The following MALRD1 variants were observed in gnomAD, a reference collection of about 807,000 sequenced individuals.
The protein encoded by MALRD1 is MAM and LDL-receptor class A domain-containing protein 1.
Under a neutral mutation model 242.1 loss-of-function variants are expected in MALRD1, and 247 were observed. That is an observed-to-expected ratio of 1.02 (90% confidence interval 0.92 to 1.13). The LOEUF (loss-of-function observed/expected upper bound fraction) is 1.13. Among genes scored for constraint, MALRD1 ranks in the 50% most tolerant of loss-of-function variants. MALRD1 has a pLI of 0.00. For missense variants in MALRD1, 2,989 were observed against 2,533.1 expected, an observed-to-expected ratio of 1.18 and a Z score of -3.86; for synonymous variants, 995 against 866.6, an observed-to-expected ratio of 1.15 and a Z score of -2.60.
intron 18 of MALRD1, among the ~76,000 whole-genome samples, chr10:19,254,964 G>C (rs1223287370): frequency 2.0e-5 from 3 of 151,808 alleles, no homozygotes; most frequent in Non-Finnish European, 2.9e-5. Context: ...TTAAAATTTT[G>C]GTCAGTCATT....
At chr10:19,627,778 AG>A (rs1284215388) in intron 36 of MALRD1, among the ~76,000 whole-genome samples, 18 of 147,444 alleles carry the variant, frequency 1.2e-4, no homozygotes, top group African/African-American at 4.6e-4. Context: ...AAAAAAAAAA[AG>A]GAAAAAAGGA....
intron 8 of MALRD1, among the ~76,000 whole-genome samples, 156 bp from the exon 9 acceptor site, chr10:19,133,700 A>G (rs1833205566): frequency 1.3e-5 from 2 of 152,224 alleles, no homozygotes; most frequent in South Asian, 2.1e-4. Context: ...AATGATATTC[A>G]GCTTTTTCAA....
chr10:19,634,165 G>C (rs190436095), intron 36 of MALRD1, among the ~76,000 whole-genome samples: 1 of 151,992 alleles, frequency 6.6e-6, no homozygotes, highest in Non-Finnish European at 1.5e-5. Context: ...TAAAATACCT[G>C]CCAGGCCCAG....
chr10:19,168,262 G>T (rs76243629), intron 13 of MALRD1, among the ~76,000 whole-genome samples: 5 of 152,114 alleles, frequency 3.3e-5, no homozygotes, highest in Admixed American at 2.0e-4. Flanking sequence ...GCTGGTCATG[G>T]AATCATTTTG....
intron 19 of MALRD1, among the ~76,000 whole-genome samples, chr10:19,279,203 G>T (rs1040024218): frequency 2.6e-5 from 4 of 152,266 alleles, no homozygotes; most frequent in Admixed American, 2.0e-4. Flanking sequence ...TTGTGACTGG[G>T]CCCAAGGAAC....
intron 33 of MALRD1, among the ~76,000 whole-genome samples, chr10:19,572,972 C>T (rs1589254025): frequency 6.6e-6 from 1 of 152,178 alleles, no homozygotes; most frequent in Admixed American, 6.5e-5. Context: ...GTGTTTTCAG[C>T]CATCCAGCTT....
At chr10:19,406,706 A>AAAAT (rs914201195) in intron 28 of MALRD1, among the ~76,000 whole-genome samples, 78 of 152,256 alleles carry the variant, frequency 5.1e-4, no homozygotes, top group South Asian at 1.7e-3. Flanking sequence ...GTATTCTTTA[A>AAAAT]AAATAAATAA....
At chr10:19,299,786 G>A (rs1841865431) in intron 21 of MALRD1, among the ~76,000 whole-genome samples, 1 of 151,894 alleles carries the variant, frequency 6.6e-6, no homozygotes, top group Non-Finnish European at 1.5e-5. Context: ...AAAGCTGGAA[G>A]CATTCCTCCT....
intron 28 of MALRD1, among the ~76,000 whole-genome samples, chr10:19,430,529 T>C (rs1208958003): frequency 3.3e-5 from 5 of 152,296 alleles, no homozygotes; most frequent in African/African-American, 9.6e-5. Context: ...TTCATTTCAC[T>C]GATAGCCCAC....
At chr10:19,173,803 T>G (rs909651701) in intron 13 of MALRD1, among the ~76,000 whole-genome samples, 1 of 152,202 alleles carries the variant, frequency 6.6e-6, no homozygotes, top group Non-Finnish European at 1.5e-5. Context: ...AATAATGAAG[T>G]GTCTTCTTTG....
At chr10:19,277,090 C>A (rs553723358) in intron 19 of MALRD1, among the ~76,000 whole-genome samples, 1 of 151,794 alleles carries the variant, frequency 6.6e-6, no homozygotes, top group Non-Finnish European at 1.5e-5. Context: ...CAGCTAATTT[C>A]TGTAGTTTTT....
chr10:19,054,938 A>G (rs72787417), intron 1 of MALRD1, among the ~76,000 whole-genome samples: 362 of 152,296 alleles, frequency 2.4e-3, no homozygotes, highest in Non-Finnish European at 4.2e-3. Context: ...GATGGATCAT[A>G]TGGTAGCTTA....
chr10:19,430,694 A>C (rs570093200), intron 28 of MALRD1, among the ~76,000 whole-genome samples: 2 of 152,328 alleles, frequency 1.3e-5, no homozygotes, highest in Admixed American at 1.3e-4. Flanking sequence ...CATAAAAGAC[A>C]CTTAATATTA....
intron 26 of MALRD1, among the ~76,000 whole-genome samples, chr10:19,366,280 C>G (rs1845104018): frequency 6.6e-6 from 1 of 151,710 alleles, no homozygotes; most frequent in African/African-American, 2.4e-5. Context: ...GCATTAGGTT[C>G]TCATAAGGAG....
At chr10:19,690,139 TACAC>T (rs1273587268) in intron 36 of MALRD1, among the ~76,000 whole-genome samples, 1 of 152,078 alleles carries the variant, frequency 6.6e-6, no homozygotes, top group Non-Finnish European at 1.5e-5. Context: ...GTTATGCAAA[TACAC>T]AACAAATAAA....
At chr10:19,141,901 G>A (rs11008644) in intron 10 of MALRD1, among the ~76,000 whole-genome samples, 22 of 151,960 alleles carry the variant, frequency 1.4e-4, no homozygotes, top group African/African-American at 4.6e-4. Flanking sequence ...GGCCGGGTGC[G>A]GTGGCTCACG....
chr10:19,547,822 T>TA (rs1835303584), intron 32 of MALRD1, among the ~76,000 whole-genome samples: 1 of 27,236 alleles, frequency 3.7e-5, no homozygotes, highest in Non-Finnish European at 9.9e-5. Context: ...ATATATATTT[T>TA]TTTTTTTTTT....
intron 1 of MALRD1, among the ~76,000 whole-genome samples, chr10:19,062,447 A>C (rs1443676872): frequency 6.6e-6 from 1 of 152,210 alleles, no homozygotes; most frequent in Non-Finnish European, 1.5e-5. Flanking sequence ...CAAGGAAACC[A>C]AAGTAGGGAC....
chr10:19,062,113 C>T (rs1304876341), intron 1 of MALRD1, among the ~76,000 whole-genome samples: 1 of 151,936 alleles, frequency 6.6e-6, no homozygotes, highest in Non-Finnish European at 1.5e-5. Flanking sequence ...GAACAAAGAC[C>T]TTGAATAGAC....
Sources: gnomAD v4.1 joint callset for allele counts (sites outside exome capture counted in the v4.1 genomes callset) on GRCh38, gnomAD v4.1.1 for gene constraint, MANE v1.5 for transcripts, NCBI Gene and HGNC (gene_info 2026-07-23, HGNC 2026-07-21) for gene names.